The following PDE10A variants were observed in gnomAD, a reference collection of about 807,000 sequenced individuals.
PDE10A encodes the protein cAMP and cAMP-inhibited cGMP 3',5'-cyclic phosphodiesterase 10A.
Under a neutral mutation model 97.7 loss-of-function variants are expected in PDE10A, and 39 were observed. The ratio of observed to expected loss-of-function variants is 0.40; its 90% CI spans 0.31 to 0.52. PDE10A has a LOEUF of 0.52. PDE10A is among the 20% of genes least tolerant of loss of function. The probability of loss-of-function intolerance (pLI) is 0.56; values close to 1 mark genes in which losing one functional copy is unlikely to be tolerated. For missense variants in PDE10A, 731 were observed against 1,047.8 expected (o/e 0.70, Z 4.17); for synonymous variants, 371 against 376.8 (o/e 0.98, Z 0.18).
intron 1 of PDE10A, among the ~76,000 whole-genome samples, chr6:165,827,206 C>A (rs554282460): frequency 6.6e-6 from 1 of 152,346 alleles, no homozygotes; most frequent in South Asian, 2.1e-4. Context: ...ACCCAGGAAC[C>A]ACCAGGTCCC....
intron 1 of PDE10A, among the ~76,000 whole-genome samples, chr6:165,839,931 AT>A (rs1328053917): frequency 3.6e-4 from 3 of 8,444 alleles, no homozygotes; most frequent in Admixed American, 9.3e-4. Context: ...CCTCATCTCC[AT>A]TCTTATCTTC....
rs538971475 is a variant in PDE10A at position 165,570,786 on chromosome 6, A to G, written c.866-27218T>C. 2.6e-5 allele frequency among the ~76,000 whole-genome samples: 4 copies of G among 152,258 alleles called. No homozygotes were observed. The East Asian group carries it at 7.7e-4, about 29-fold the overall frequency. On this transcript the variant is annotated intron_variant, in intron 1 of 21. Transcript: ENST00000539869. ...CTAGTAATTACAGTCGATTATTATT[A>G]GTAGCATTATGTTCTATAAAGTCCA...
chr6:165,863,908 CA>C (rs1277654774), intron 1 of PDE10A, among the ~76,000 whole-genome samples: 1 of 152,048 alleles, frequency 6.6e-6, no homozygotes, highest in Non-Finnish European at 1.5e-5. Context: ...AAGATGTAAC[CA>C]ACTTGAAGCA....
In PDE10A at chr6:165,904,356, G is replaced by A. The variant is rs572109745; in HGVS notation, c.-615+83173C>T. Among the ~76,000 whole-genome samples, 13 of 152,250 alleles carry A rather than the reference G, an allele frequency of 8.5e-5. No homozygotes were observed. The East Asian group carries it at 2.3e-3, about 27-fold the overall frequency. On this transcript the variant is annotated intron_variant, in intron 1 of 19. Coordinates refer to the PDE10A transcript ENST00000366882. ...GTCTGGATGGGCCTACATTGGGAAA[G>A]AGACAAGGAAGTCTCTATGATTGAT...
intron 1 of PDE10A, among the ~76,000 whole-genome samples, chr6:165,864,802 T>C (rs903464436): frequency 1.4e-4 from 21 of 152,336 alleles, no homozygotes; most frequent in Admixed American, 1.3e-3. Context: ...CAGACTATTA[T>C]GTGACCATGA....
intron 1 of PDE10A, among the ~76,000 whole-genome samples, chr6:165,683,509 G>A (rs1465542793): frequency 6.6e-6 from 1 of 152,240 alleles, no homozygotes; most frequent in Non-Finnish European, 1.5e-5. Context: ...GGGTGTGGGA[G>A]AGATGGGTTC....
chr6:165,671,287 C>A lies in PDE10A; in HGVS notation c.-614-127719G>T, dbSNP rs574532951. 1.3e-5 allele frequency among the ~76,000 whole-genome samples: 2 copies of A among 152,188 alleles called. No homozygotes were observed. The highest frequency in any genetic ancestry group is 2.9e-5 in the Non-Finnish European group (2 of 68,000). The stretch of plus-strand genomic sequence containing the variant: ...TTGATTAAGCTTTTCTAACCCTCTC[C>A]CTGAAACAGGTAAACTTGGTAATTT... On this transcript the variant is annotated intron_variant, in intron 1 of 19. Coordinates refer to the PDE10A transcript ENST00000366882. The surrounding 1 kb of genome is among the most constrained non-coding windows in gnomAD (Gnocchi z 4.6).
At chr6:165,961,602 C>T (rs551312684) in intron 1 of PDE10A, among the ~76,000 whole-genome samples, 3 of 152,286 alleles carry the variant, frequency 2.0e-5, no homozygotes, top group Admixed American at 1.3e-4. Flanking sequence ...AAGTCCCCTC[C>T]ACAAGCTTGG....
At chr6:165,515,054 T>G (rs533198172) in intron 2 of PDE10A, among the ~76,000 whole-genome samples, 4 of 152,330 alleles carry the variant, frequency 2.6e-5, no homozygotes, top group Admixed American at 2.6e-4. Context: ...TCTGGGCTCC[T>G]AGACACCCTT....
At chr6:165,592,289 C>T (rs371265821) in intron 1 of PDE10A, among the ~76,000 whole-genome samples, 2 of 152,048 alleles carry the variant, frequency 1.3e-5, no homozygotes, top group African/African-American at 4.8e-5. Flanking sequence ...ATACTTTATA[C>T]AAAAATTAAC....
At chr6:165,686,905 C>T (rs1011417881) in intron 1 of PDE10A, among the ~76,000 whole-genome samples, 11 of 152,216 alleles carry the variant, frequency 7.2e-5, no homozygotes, top group African/African-American at 1.4e-4. Context: ...CTATTATGTA[C>T]GCTTCGGTAA....
rs1782215601 is a variant in PDE10A at position 165,522,921 on chromosome 6, A to C, written c.994+20519T>G. ...CTAGAACTGATAAATGGCATCAATAAAATTTCAAGATACAAAATAAATGTA... is the reference window on the plus strand; with the variant it reads ...CTAGAACTGATAAATGGCATCAATACAATTTCAAGATACAAAATAAATGTA... On this transcript the variant is annotated intron_variant, in intron 2 of 21. Coordinates refer to ENST00000539869, the MANE Select transcript of PDE10A (RefSeq NM_001385079.1). 2.6e-5 allele frequency among the ~76,000 whole-genome samples: 4 copies of C among 152,280 alleles called. No individual in the cohort carries two copies. The South Asian group carries it at 8.3e-4, about 32-fold the overall frequency.
chr6:165,482,087 C>A (rs1472917075), intron 3 of PDE10A, among the ~76,000 whole-genome samples: 3 of 152,342 alleles, frequency 2.0e-5, no homozygotes, highest in Non-Finnish European at 4.4e-5. Context: ...ACCCCATAGG[C>A]ACGTGCAGCC....
intron 18 of PDE10A, among the ~76,000 whole-genome samples, chr6:165,351,195 T>C (rs1304924406): frequency 6.6e-6 from 1 of 152,192 alleles, no homozygotes; most frequent in Non-Finnish European, 1.5e-5. Context: ...GGTTGTTTCA[T>C]TTTTAAAATA....
chr6:165,722,642 AG>A (rs1404168030), intron 1 of PDE10A, among the ~76,000 whole-genome samples: 19 of 152,198 alleles, frequency 1.2e-4, no homozygotes, highest in Admixed American at 1.0e-3. Flanking sequence ...TTCAGATCAT[AG>A]GTGCCCAGGG....
intron 1 of PDE10A, among the ~76,000 whole-genome samples, chr6:165,574,331 G>A (rs755182634): frequency 6.6e-6 from 1 of 151,864 alleles, no homozygotes; most frequent in Non-Finnish European, 1.5e-5. Context: ...AATGGTGCTT[G>A]GGGATTGGGA....
chr6:165,888,148 T>C (rs1031097122), intron 1 of PDE10A, among the ~76,000 whole-genome samples: 1 of 152,194 alleles, frequency 6.6e-6, no homozygotes, highest in African/African-American at 2.4e-5. Flanking sequence ...ACTTACTTTT[T>C]CAAAGAGGTT....
intron 1 of PDE10A, among the ~76,000 whole-genome samples, chr6:165,883,554 T>TA (rs33951925): frequency 0.73 from 108,192 of 148,316 alleles, 39,682 homozygotes; most frequent in East Asian, 0.92. Context: ...AAAAAAAAAA[T>TA]AAATAAAAAT....
chr6:165,419,659 T>C (rs975209461), intron 10 of PDE10A, among the ~76,000 whole-genome samples: 3 of 152,216 alleles, frequency 2.0e-5, no homozygotes, highest in Non-Finnish European at 4.4e-5. Context: ...ATGCCTAACA[T>C]ATCCTACTGT....
Sources: allele counts gnomAD v4.1 joint callset (sites outside exome capture counted in the v4.1 genomes callset), GRCh38; gene constraint gnomAD v4.1.1; non-coding constraint Gnocchi (gnomAD v3.1); transcripts MANE v1.5; gene names NCBI Gene and HGNC (gene_info 2026-07-23, HGNC 2026-07-21).